ZNF704: variants seen among roughly 807,000 people sequenced by gnomAD.
ZNF704 encodes the protein glucocorticoid induced gene 1.
A neutral mutation model predicts 44.7 loss-of-function variants in ZNF704; 10 were observed. The ratio of observed to expected loss-of-function variants is 0.22; its 90% CI spans 0.14 to 0.38. ZNF704 has a LOEUF of 0.38. Among genes scored for constraint, ZNF704 ranks in the 10% least tolerant of loss-of-function variants. The probability of loss-of-function intolerance (pLI) is 1.00; values close to 1 mark genes in which losing one functional copy is unlikely to be tolerated. For missense variants in ZNF704, 390 were observed against 545.5 expected (o/e 0.71, Z 2.84); for synonymous variants, 211 against 207.6 (o/e 1.02, Z -0.14).
chr8:80,767,705 AGTTGTTAATAT>A (rs903504448), intron 2 of ZNF704, among the ~76,000 whole-genome samples: 1 of 152,228 alleles, frequency 6.6e-6, no homozygotes, highest in African/African-American at 2.4e-5. Context: ...CCAAAGAGGC[AGTTGTTAATAT>A]GTTAATCAAT....
intron 2 of ZNF704, among the ~76,000 whole-genome samples, chr8:80,773,590 T>C (rs1381474146): frequency 6.6e-6 from 1 of 152,226 alleles, no homozygotes; most frequent in African/African-American, 2.4e-5. Flanking sequence ...GAACTCCTTT[T>C]AGCCATTATT....
At chr8:80,865,121 T>C in intron 1 of ZNF704, among the ~76,000 whole-genome samples, 1 of 152,216 alleles carries the variant, frequency 6.6e-6, no homozygotes, top group East Asian at 1.9e-4. Context: ...AAGGAGGTTG[T>C]AACAGTCAAA....
At chr8:80,750,826 C>T (rs2131705668) in intron 2 of ZNF704, among the ~76,000 whole-genome samples, 1 of 152,276 alleles carries the variant, frequency 6.6e-6, no homozygotes, top group Admixed American at 6.5e-5. Flanking sequence ...ACTTTTAGCA[C>T]ATTCCAGTTC....
In ZNF704 at chr8:80,773,455, T is replaced by C. The variant is rs891922848; in HGVS notation, c.221+47919A>G. On this transcript the variant is annotated intron_variant, in intron 2 of 8. Transcript: ENST00000327835. ...ATATTTCCTCTATGCACATTTAGAATTACATCAGACATTACTACAGTTTTT... is the reference window on the plus strand; with the variant it reads ...ATATTTCCTCTATGCACATTTAGAACTACATCAGACATTACTACAGTTTTT... Among the ~76,000 whole-genome samples, 26 of 152,362 alleles carry C rather than the reference T, an allele frequency of 1.7e-4. No individual in the cohort carries two copies. In the South Asian group the frequency reaches 2.1e-3, roughly 12 times the overall value.
chr8:80,714,026 C>G (rs756997929), intron 2 of ZNF704, among the ~76,000 whole-genome samples: 2 of 152,184 alleles, frequency 1.3e-5, no homozygotes, highest in Non-Finnish European at 2.9e-5. Context: ...TACCAGCTGT[C>G]TTGGGTGTTG....
chr8:80,678,362 A>G (rs1314723889), intron 4 of ZNF704, among the ~76,000 whole-genome samples: 1 of 151,950 alleles, frequency 6.6e-6, no homozygotes, highest in Non-Finnish European at 1.5e-5. Context: ...TCCTTTTGAC[A>G]TTCCTTTTGA....
chr8:80,744,361 G>A (rs923252697), intron 2 of ZNF704, among the ~76,000 whole-genome samples: 1 of 151,926 alleles, frequency 6.6e-6, no homozygotes, highest in African/African-American at 2.4e-5. Flanking sequence ...AAATCCTAGG[G>A]CACTAAAATA....
At chr8:80,795,475 T>G (rs180832278) in intron 2 of ZNF704, among the ~76,000 whole-genome samples, 1 of 152,286 alleles carries the variant, frequency 6.6e-6, no homozygotes, top group African/African-American at 2.4e-5. Context: ...TTTTATTTCT[T>G]TAAACTATCA....
intron 2 of ZNF704, among the ~76,000 whole-genome samples, chr8:80,734,144 T>C (rs1165506404): frequency 6.6e-6 from 1 of 152,208 alleles, no homozygotes; most frequent in East Asian, 1.9e-4. Flanking sequence ...AAATCGTTTC[T>C]ACAGAGACTG....
intron 2 of ZNF704, among the ~76,000 whole-genome samples, chr8:80,805,643 T>C (rs562751155): frequency 2.6e-5 from 4 of 152,182 alleles, no homozygotes; most frequent in East Asian, 1.9e-4. Context: ...GCTTTTAGTG[T>C]CCAAAAGGCA....
intron 1 of ZNF704, among the ~76,000 whole-genome samples, chr8:80,826,253 C>A (rs1391358206): frequency 6.6e-6 from 1 of 152,088 alleles, no homozygotes; most frequent in African/African-American, 2.4e-5. Context: ...GATATCACCA[C>A]CGATCCCACA....
chr8:80,682,107 C>A (rs1818463064), intron 4 of ZNF704, among the ~76,000 whole-genome samples: 1 of 152,214 alleles, frequency 6.6e-6, no homozygotes, highest in Non-Finnish European at 1.5e-5. Context: ...GCAAGAGGCA[C>A]TCTCTGCTCA....
intron 2 of ZNF704, among the ~76,000 whole-genome samples, chr8:80,733,255 T>C (rs954640833): frequency 6.6e-6 from 1 of 152,220 alleles, no homozygotes; most frequent in Non-Finnish European, 1.5e-5. Flanking sequence ...AAATGTGTTA[T>C]GTGGAGCCCT....
chr8:80,837,899 GAAC>G (rs146431626), intron 1 of ZNF704, among the ~76,000 whole-genome samples: 5,314 of 152,246 alleles, frequency 0.035, 318 homozygotes, highest in African/African-American at 0.12. Context: ...ACACAGAACA[GAAC>G]ATCTATCTTT....
intron 2 of ZNF704, among the ~76,000 whole-genome samples, chr8:80,811,795 G>C (rs1007165477): frequency 2.0e-5 from 3 of 152,160 alleles, no homozygotes; most frequent in African/African-American, 7.2e-5. Context: ...CCCAACCCAA[G>C]AGTCTATGGC....
chr8:80,664,434 G>A (rs1306582123), intron 6 of ZNF704, among the ~76,000 whole-genome samples: 1 of 151,934 alleles, frequency 6.6e-6, no homozygotes, highest in African/African-American at 2.4e-5. Context: ...ACCACACCCA[G>A]CTAATTTTGT....
chr8:80,677,990 G>A (rs1025800914), intron 4 of ZNF704, among the ~76,000 whole-genome samples: 1 of 152,206 alleles, frequency 6.6e-6, no homozygotes, highest in Non-Finnish European at 1.5e-5. Context: ...GCCCTGCATT[G>A]TGAGGATTGA....
At chr8:80,758,118 C>T (rs546259600) in intron 2 of ZNF704, among the ~76,000 whole-genome samples, 9 of 152,322 alleles carry the variant, frequency 5.9e-5, no homozygotes, top group African/African-American at 1.9e-4. Flanking sequence ...TATCACATTG[C>T]TTCAAATACA....
intron 2 of ZNF704, among the ~76,000 whole-genome samples, chr8:80,733,077 A>G (rs1806609546): frequency 6.6e-6 from 1 of 151,858 alleles, no homozygotes; most frequent in South Asian, 2.1e-4. Flanking sequence ...GCTTGGGGTG[A>G]TTTGTGAACA....
Sources: gnomAD v4.1 joint callset for allele counts (sites outside exome capture counted in the v4.1 genomes callset) on GRCh38, gnomAD v4.1.1 for gene constraint, MANE v1.5 for transcripts, NCBI Gene and HGNC (gene_info 2026-07-23, HGNC 2026-07-21) for gene names.